GRIP2: variants seen among roughly 807,000 people sequenced by gnomAD.
GRIP2 encodes glutamate receptor-interacting protein 2.
A neutral mutation model predicts 108.3 loss-of-function variants in GRIP2; 58 were observed. The observed-to-expected ratio is 0.54, with a 90% CI of 0.43 to 0.67. GRIP2 has a LOEUF of 0.67. GRIP2 is among the 30% of genes least tolerant of loss of function. The probability of loss-of-function intolerance (pLI) is 0.00; values close to 1 mark genes in which losing one functional copy is unlikely to be tolerated. For synonymous variants in GRIP2, 586 were observed against 598.2 expected (o/e 0.98, Z 0.30); for missense variants, 1,278 against 1,430.6 (o/e 0.89, Z 1.72).
chr3:14,510,509 C>T (rs1276793241), intron 16 of GRIP2, among the ~76,000 whole-genome samples: 1 of 152,046 alleles, frequency 6.6e-6, no homozygotes, highest in African/African-American at 2.4e-5. Flanking sequence ...AAGTGCTCCA[C>T]CCACCTTGGC....
chr3:14,540,366 C>T (rs771968921), upstream of GRIP2: 10 of 1,610,876 alleles, frequency 6.2e-6, no homozygotes, highest in South Asian at 1.0e-4. The surrounding 1 kb of genome is among the most constrained non-coding windows in gnomAD (Gnocchi z 4.1). Context: ...GCTGCTTGGC[C>T]CTCCCTCCCC....
the GRIP2 span, among the ~76,000 whole-genome samples, chr3:14,597,678 A>G: frequency 6.6e-6 from 1 of 152,188 alleles, no homozygotes; most frequent in Non-Finnish European, 1.5e-5. Flanking sequence ...GCCAAATTAG[A>G]GTGTAGATTC....
chr3:14,533,886 C>A (rs1359289845), intron 1 of GRIP2, among the ~76,000 whole-genome samples: 1 of 152,208 alleles, frequency 6.6e-6, no homozygotes, highest in Non-Finnish European at 1.5e-5. Flanking sequence ...CTGTCAGAGA[C>A]TTGACTGCGT....
At chr3:14,524,201 A>T in intron 4 of GRIP2, 192 bp downstream of exon 4, 1 of 621,006 alleles carries the variant, frequency 1.6e-6, no homozygotes. Context: ...ATAGAGTCCC[A>T]CCACCTCCTG....
intron 1 of GRIP2, among the ~76,000 whole-genome samples, chr3:14,552,233 T>C (rs1042051763): frequency 2.6e-5 from 4 of 152,002 alleles, no homozygotes; most frequent in Non-Finnish European, 4.4e-5. Flanking sequence ...CCAGGAGAAA[T>C]GCCAGGAGCT....
chr3:14,505,879 G>C lies in GRIP2; in HGVS notation c.2399-90C>G, dbSNP rs922923486. 3.1e-6 allele frequency: 4 copies of C among 1,282,626 alleles called. No homozygotes were observed. The highest frequency in any genetic ancestry group is 4.2e-6 in the Non-Finnish European group (4 of 956,808). The allele number at this position is 1,282,626 out of a possible 1,614,324, so 79.5% of individuals were successfully genotyped here. On this transcript the variant is annotated intron_variant, in intron 19 of 23. Coordinates refer to ENST00000621039, the MANE Select transcript of GRIP2 (RefSeq NM_001080423.4). This position sits in a 1 kb window ranked among gnomAD's most constrained non-coding sequence, Gnocchi z 4.2. The stretch of plus-strand genomic sequence containing the variant: ...TTCCAGCTGTGCTGAGTGACCCTGG[G>C]GAGGTCGTTGCTCCTCTCTGGGCCT...
the GRIP2 span, among the ~76,000 whole-genome samples, chr3:14,576,765 C>G: frequency 6.6e-6 from 1 of 152,208 alleles, no homozygotes; most frequent in African/African-American, 2.4e-5. Context: ...CATTTTGACC[C>G]CACTGCTAGA....
At chr3:14,504,914 C>T (rs1283165350) in intron 20 of GRIP2, among the ~76,000 whole-genome samples, 1 of 152,156 alleles carries the variant, frequency 6.6e-6, no homozygotes, top group Non-Finnish European at 1.5e-5. Flanking sequence ...GAGATGATAG[C>T]CAAGTAATTA....
At position 14,505,677 on chromosome 3, in the gene GRIP2, TG is replaced by T; in HGVS notation, c.2510del (p.Pro837GlnfsTer53). ...PTEPRRTSYT[P>X]TPADESFPEE... Reference sequence around the variant, plus strand: ...CTGGAAAGCTCTCGTCAGCTGGGGTTGGGGTATAGCTCGTCCTCCGGGGCTC... The same window carrying T: ...CTGGAAAGCTCTCGTCAGCTGGGGTTGGGTATAGCTCGTCCTCCGGGGCTC... On this transcript the variant is annotated frameshift_variant, in exon 20 of 24. Coordinates refer to ENST00000621039, the MANE Select transcript of GRIP2 (RefSeq NM_001080423.4). LOFTEE classifies it high-confidence loss of function. The surrounding 1 kb of genome is among the most constrained non-coding windows in gnomAD (Gnocchi z 4.2). The T allele has an allele frequency of 6.2e-7, 1 of 1,607,060 alleles. No individual in the cohort carries two copies. The highest frequency in any genetic ancestry group is 8.5e-7 in the Non-Finnish European group (1 of 1,176,822).
chr3:14,496,882 T>A (rs1043873200), intron 21 of GRIP2, among the ~76,000 whole-genome samples: 8 of 152,198 alleles, frequency 5.3e-5, no homozygotes, highest in African/African-American at 1.7e-4. Context: ...TTTTTCCACT[T>A]TACAGATGAG....
chr3:14,555,472 G>A (rs1695222925), intron 1 of GRIP2, among the ~76,000 whole-genome samples: 2 of 152,164 alleles, frequency 1.3e-5, no homozygotes, highest in South Asian at 4.1e-4. Context: ...ACAGAGAAGA[G>A]CAAGACAGAG....
At chr3:14,535,091 G>A (rs1000233110) in intron 1 of GRIP2, among the ~76,000 whole-genome samples, 7 of 151,900 alleles carry the variant, frequency 4.6e-5, no homozygotes, top group Non-Finnish European at 7.4e-5. Context: ...TTGCAGGGAC[G>A]GTGAGCTGTC....
At chr3:14,528,983 A>C (rs1019838974) in intron 1 of GRIP2, among the ~76,000 whole-genome samples, 2 of 152,110 alleles carry the variant, frequency 1.3e-5, no homozygotes, top group South Asian at 2.1e-4. Context: ...TTTGAAAAAC[A>C]TTTGTGGCTG....
chr3:14,568,886 C>A, the GRIP2 span, among the ~76,000 whole-genome samples: 1 of 152,214 alleles, frequency 6.6e-6, no homozygotes, highest in Non-Finnish European at 1.5e-5. Context: ...GCTCCAACCT[C>A]GGCTCTGCCC....
the GRIP2 span, among the ~76,000 whole-genome samples, chr3:14,562,687 C>T: frequency 6.6e-6 from 1 of 151,892 alleles, no homozygotes; most frequent in African/African-American, 2.4e-5. Flanking sequence ...ATAAAGGATC[C>T]AGCACTGACT....
In GRIP2 at chr3:14,522,953, T is replaced by C. The variant is rs1399003595; in HGVS notation, c.566+47A>G. The C allele has an allele frequency of 1.3e-6, 2 of 1,521,260 alleles. No homozygotes were observed. The highest frequency in any genetic ancestry group is 3.3e-5 in the Admixed American group (2 of 59,852). The allele number at this position is 1,521,260 out of a possible 1,614,324, so 94.2% of individuals were successfully genotyped here. A position where few individuals can be genotyped will look rare whatever the true frequency, so the allele number is the denominator to read the frequency against. On this transcript the variant is annotated intron_variant, in intron 6 of 23. Transcript: ENST00000621039. This position sits in a 1 kb window ranked among gnomAD's most constrained non-coding sequence, Gnocchi z 4.3. ...CCACTCCACCTTCTTCGCAGGGGAG[T>C]TGGGGCAGGTCAGTGCAGTGTGTGG...
the GRIP2 span, among the ~76,000 whole-genome samples, chr3:14,576,453 C>T: frequency 6.6e-6 from 1 of 152,166 alleles, no homozygotes; most frequent in Non-Finnish European, 1.5e-5. Context: ...CTTGTTTTTC[C>T]CCAAGAATTG....
chr3:14,594,097 G>T, the GRIP2 span, among the ~76,000 whole-genome samples: 1 of 152,224 alleles, frequency 6.6e-6, no homozygotes. Context: ...CCTGTTCTCT[G>T]TGCCTGGGAT....
intron 12 of GRIP2, 149 bp from the exon 13 acceptor site, chr3:14,513,959 A>G: frequency 1.0e-6 from 1 of 994,626 alleles, no homozygotes; most frequent in Non-Finnish European, 1.5e-6. Context: ...GTGTATCCTC[A>G]GGAATCTGGC....
Sources: allele counts gnomAD v4.1 joint callset (sites outside exome capture counted in the v4.1 genomes callset), GRCh38; gene constraint gnomAD v4.1.1; non-coding constraint Gnocchi (gnomAD v3.1); transcripts MANE v1.5; gene names NCBI Gene and HGNC (gene_info 2026-07-23, HGNC 2026-07-21).